Variants in GNG7 observed in about 807,000 individuals in gnomAD.
GNG7 encodes G protein subunit gamma 7, also known as guanine nucleotide-binding protein G(I)/G(S)/G(O) subunit gamma-7.
A neutral mutation model predicts 4.0 loss-of-function variants in GNG7; 1 was observed. The ratio of observed to expected loss-of-function variants is 0.25; its 90% CI spans 0.09 to 1.18. GNG7 has a LOEUF of 1.18. GNG7 is among the 50% of genes most tolerant of loss of function. The pLI is 0.50. For synonymous variants in GNG7, 34 were observed against 36.9 expected, an observed-to-expected ratio of 0.92 and a Z score of 0.29; for missense variants, 86 against 91.9, an observed-to-expected ratio of 0.94 and a Z score of 0.26.
At chr19:2,516,383 C>T (rs1429131970) in intron 4 of GNG7, among the ~76,000 whole-genome samples, 1 of 151,986 alleles carries the variant, frequency 6.6e-6, no homozygotes, top group East Asian at 1.9e-4. Flanking sequence ...TGCCACCACG[C>T]CCAGCTAATT....
chr19:2,691,665 G>A (rs1201793839), intron 1 of GNG7, among the ~76,000 whole-genome samples: 1 of 152,184 alleles, frequency 6.6e-6, no homozygotes, highest in South Asian at 2.1e-4. Context: ...TCAGGAGTTC[G>A]AGACCAGCCT....
chr19:2,529,591 G>A (rs1978521691), intron 3 of GNG7, among the ~76,000 whole-genome samples: 2 of 152,226 alleles, frequency 1.3e-5, no homozygotes, highest in African/African-American at 4.8e-5. Flanking sequence ...GGGTAAAGGT[G>A]AGAGGAGAGT....
chr19:2,581,734 G>A (rs1980511072), intron 2 of GNG7, among the ~76,000 whole-genome samples: 1 of 152,232 alleles, frequency 6.6e-6, no homozygotes, highest in South Asian at 2.1e-4. Context: ...TTGAAACAAC[G>A]CATGAACCGT....
intron 2 of GNG7, among the ~76,000 whole-genome samples, chr19:2,641,154 C>T (rs535094851): frequency 8.7e-4 from 133 of 152,270 alleles, no homozygotes; most frequent in African/African-American, 3.0e-3. Context: ...GCCAGAGTTG[C>T]GCCCGGCAGA....
chr19:2,659,610 A>AAAAAAAAAAAAAAAAAG (rs5826778), intron 1 of GNG7, among the ~76,000 whole-genome samples: 1 of 121,452 alleles, frequency 8.2e-6, no homozygotes, highest in African/African-American at 3.3e-5. Context: ...AAAAAAAAAA[A>AAAAAAAAAAAAAAAAAG]AGAGAGGAGG....
intron 3 of GNG7, among the ~76,000 whole-genome samples, chr19:2,553,938 A>AATATATATTACACATATGT (rs1979461087): frequency 7.4e-6 from 1 of 135,376 alleles, no homozygotes; most frequent in African/African-American, 2.9e-5. Flanking sequence ...TATTGTATGT[A>AATATATATTACACATATGT]ATATATTATA....
chr19:2,661,165 C>G (rs1253720955), intron 1 of GNG7, among the ~76,000 whole-genome samples: 3 of 142,746 alleles, frequency 2.1e-5, no homozygotes, highest in Admixed American at 7.1e-5. Flanking sequence ...GAGCCAAGAT[C>G]GTGCCACTGC....
chr19:2,546,357 G>C lies in GNG7; in HGVS notation c.-38+8792C>G, dbSNP rs1420135173. Among the ~76,000 whole-genome samples, 3 of 152,236 alleles carry C rather than the reference G, an allele frequency of 2.0e-5. No homozygotes were observed. The highest frequency in any genetic ancestry group is 6.5e-5 in the Admixed American group (1 of 15,290). The stretch of plus-strand genomic sequence containing the variant: ...CCCAGCAGGGCCTGGGAGGGCGGCT[G>C]TGTGTGGGGCCTTCCGTGCCAGCTC... On this transcript the variant is annotated intron_variant, in intron 3 of 4. Transcript: ENST00000382159. The surrounding 1 kb of genome is among the most constrained non-coding windows in gnomAD (Gnocchi z 6.3).
intron 1 of GNG7, among the ~76,000 whole-genome samples, chr19:2,691,491 C>T (rs983890154): frequency 9.9e-5 from 15 of 151,866 alleles, no homozygotes; most frequent in African/African-American, 3.6e-4. Context: ...TTGCAGTGAA[C>T]CAAGATTGCA....
chr19:2,616,666 C>T (rs1981731974), intron 2 of GNG7, among the ~76,000 whole-genome samples: 1 of 151,864 alleles, frequency 6.6e-6, no homozygotes, highest in South Asian at 2.1e-4. Flanking sequence ...ATCCCAGCTA[C>T]TCAGGAGGCT....
At chr19:2,687,666 C>A (rs1983905481) in intron 1 of GNG7, among the ~76,000 whole-genome samples, 1 of 151,976 alleles carries the variant, frequency 6.6e-6, no homozygotes, top group South Asian at 2.1e-4. Context: ...AGTAAGCCAC[C>A]AGCCTGGCCA....
chr19:2,551,628 TA>T, intron 3 of GNG7, among the ~76,000 whole-genome samples: 1 of 146,200 alleles, frequency 6.8e-6, no homozygotes, highest in South Asian at 2.1e-4. Flanking sequence ...TTTATAAATA[TA>T]TAAAAACACA....
chr19:2,674,835 C>T (rs563284501), intron 1 of GNG7, among the ~76,000 whole-genome samples: 10 of 152,294 alleles, frequency 6.6e-5, no homozygotes, highest in South Asian at 2.1e-4. Context: ...GGTCGTAACT[C>T]GCATTTCCAC....
At chr19:2,551,783 A>T (rs1308464285) in intron 3 of GNG7, among the ~76,000 whole-genome samples, 1 of 152,010 alleles carries the variant, frequency 6.6e-6, no homozygotes, top group African/African-American at 2.4e-5. Context: ...TCCCGGGCTC[A>T]AGTGAGTTTT....
chr19:2,655,188 C>CA (rs57555514), intron 1 of GNG7, among the ~76,000 whole-genome samples: 7,019 of 59,712 alleles, frequency 0.12, 727 homozygotes, highest in African/African-American at 0.31. Context: ...GACTCTGTCT[C>CA]AAAAAAAAAA....
At chr19:2,581,760 G>A (rs577986288) in intron 2 of GNG7, among the ~76,000 whole-genome samples, 1 of 152,366 alleles carries the variant, frequency 6.6e-6, no homozygotes, top group South Asian at 2.1e-4. Context: ...GGTCTAAGGT[G>A]TAGGCTCTAC....
intron 2 of GNG7, among the ~76,000 whole-genome samples, chr19:2,579,819 A>T (rs1248989528): frequency 1.3e-5 from 2 of 152,144 alleles, no homozygotes; most frequent in African/African-American, 4.8e-5. Flanking sequence ...AAGTGCCACA[A>T]ATGGGGGACT....
rs773567155 is a variant in GNG7, at chr19:2,634,183, G to A, written c.-78+12041C>T. The stretch of plus-strand genomic sequence containing the variant: ...CCTATCATGAGCAGGAAAATAACTC[G>A]AATTTTTTTCCCCAAAATAATGAAC... On this transcript the variant is annotated intron_variant, in intron 2 of 4. Coordinates refer to ENST00000382159, the MANE Select transcript of GNG7 (RefSeq NM_052847.3). The surrounding 1 kb of genome is among the most constrained non-coding windows in gnomAD (Gnocchi z 5.3). Among the ~76,000 whole-genome samples, 9 of 152,002 alleles carry A rather than the reference G, an allele frequency of 5.9e-5. No individual in the cohort carries two copies. The highest frequency in any genetic ancestry group is 9.7e-5 in the African/African-American group (4 of 41,396).
chr19:2,674,187 C>T (rs147711517), intron 1 of GNG7, among the ~76,000 whole-genome samples: 117 of 146,066 alleles, frequency 8.0e-4, no homozygotes, highest in African/African-American at 2.9e-3. Flanking sequence ...ATTGCCTGAA[C>T]CTGGGAGCCA....
Sources: gnomAD v4.1 joint callset for allele counts (sites outside exome capture counted in the v4.1 genomes callset) on GRCh38, gnomAD v4.1.1 for gene constraint, Gnocchi (gnomAD v3.1) non-coding constraint, MANE v1.5 for transcripts, NCBI Gene and HGNC (gene_info 2026-07-23, HGNC 2026-07-21) for gene names.